SHISA6: variants seen among roughly 807,000 people sequenced by gnomAD.
SHISA6 encodes shisa family member 6, also known as protein shisa-6.
In SHISA6, 22 loss-of-function variants were observed where a neutral mutation model predicts 47.9. The observed-to-expected ratio is 0.46, with a 90% confidence interval of 0.33 to 0.66. The LOEUF is 0.66. Among genes scored for constraint, SHISA6 ranks in the 30% least tolerant of loss-of-function variants. The pLI, the probability that SHISA6 is intolerant of heterozygous loss-of-function variation, is 0.02. For synonymous variants in SHISA6, 388 were observed against 337.8 expected (o/e 1.15, Z -1.63); for missense variants, 680 against 764.6 (o/e 0.89, Z 1.30).
chr17:11,474,093 C>CT (rs1379948395), intron 3 of SHISA6, among the ~76,000 whole-genome samples: 4 of 151,952 alleles, frequency 2.6e-5, no homozygotes, highest in African/African-American at 7.3e-5. Flanking sequence ...TTATCTCATT[C>CT]TTTCTTTTTA....
intron 3 of SHISA6, among the ~76,000 whole-genome samples, chr17:11,532,508 C>T (rs536841900): frequency 2.1e-4 from 32 of 152,150 alleles, no homozygotes; most frequent in Admixed American, 1.2e-3. Flanking sequence ...CGCGCACGCG[C>T]GTATGTGTGT....
intron 2 of SHISA6, among the ~76,000 whole-genome samples, chr17:11,345,364 A>G (rs76868890): frequency 0.084 from 12,826 of 152,144 alleles, 839 homozygotes; most frequent in East Asian, 0.23. Flanking sequence ...TGTCTTTGCT[A>G]CACTATCTTA....
intron 3 of SHISA6, among the ~76,000 whole-genome samples, chr17:11,470,943 T>A (rs1020330869): frequency 6.6e-6 from 1 of 151,568 alleles, no homozygotes; most frequent in Non-Finnish European, 1.5e-5. Context: ...GGTGTGGTGG[T>A]TCACATCTGT....
At chr17:11,394,142 T>A (rs1429963545) in intron 3 of SHISA6, among the ~76,000 whole-genome samples, 2 of 152,212 alleles carry the variant, frequency 1.3e-5, no homozygotes, top group Non-Finnish European at 2.9e-5. Flanking sequence ...ACCACTGTGT[T>A]CCCTATGGCT....
At chr17:11,418,893 T>C (rs1914364888) in intron 3 of SHISA6, among the ~76,000 whole-genome samples, 1 of 152,186 alleles carries the variant, frequency 6.6e-6, no homozygotes, top group Non-Finnish European at 1.5e-5. Context: ...CTCACCAGTT[T>C]GTACTAATTG....
At chr17:11,407,850 C>T (rs554001373) in intron 3 of SHISA6, among the ~76,000 whole-genome samples, 11 of 152,256 alleles carry the variant, frequency 7.2e-5, no homozygotes, top group South Asian at 6.2e-4. Flanking sequence ...TAGAGAGCTC[C>T]CTGTGTCACA....
At chr17:11,347,337 A>C (rs1484735150) in intron 2 of SHISA6, among the ~76,000 whole-genome samples, 1 of 152,230 alleles carries the variant, frequency 6.6e-6, no homozygotes, top group East Asian at 1.9e-4. Context: ...GGGGAGTAGA[A>C]AAGACCAGGG....
At chr17:11,275,456 T>C (rs1908853872) in intron 2 of SHISA6, among the ~76,000 whole-genome samples, 1 of 152,178 alleles carries the variant, frequency 6.6e-6, no homozygotes, top group African/African-American at 2.4e-5. Flanking sequence ...CAAAAGTGAT[T>C]TTGGTCCTTT....
At chr17:11,309,121 T>G (rs929524822) in intron 2 of SHISA6, among the ~76,000 whole-genome samples, 1 of 152,028 alleles carries the variant, frequency 6.6e-6, no homozygotes, top group African/African-American at 2.4e-5. Flanking sequence ...CATGCCACCA[T>G]GCTTAGCCAA....
chr17:11,429,337 T>C (rs1023888128), intron 3 of SHISA6, among the ~76,000 whole-genome samples: 5 of 152,094 alleles, frequency 3.3e-5, no homozygotes, highest in African/African-American at 1.2e-4. Flanking sequence ...TGCCATCCCA[T>C]CACTTTTGCA....
chr17:11,261,127 A>G (rs1338857188), intron 1 of SHISA6, among the ~76,000 whole-genome samples: 3 of 148,444 alleles, frequency 2.0e-5, no homozygotes, highest in African/African-American at 4.9e-5. Context: ...GGGGTCACCA[A>G]TGGAGGGAGG....
chr17:11,506,021 T>C (rs1260269784), intron 3 of SHISA6, among the ~76,000 whole-genome samples: 2 of 152,154 alleles, frequency 1.3e-5, no homozygotes, highest in Non-Finnish European at 2.9e-5. Flanking sequence ...TAATTTGTAG[T>C]TAAGATACAG....
intron 3 of SHISA6, among the ~76,000 whole-genome samples, chr17:11,457,022 G>A (rs898615689): frequency 6.6e-6 from 1 of 152,120 alleles, no homozygotes. Context: ...CTGCTGTGCC[G>A]TATGCTCCCT....
chr17:11,296,908 G>GCCATGGAGGGGCTAAATGATTAGAGAA (rs1431265834), intron 2 of SHISA6, among the ~76,000 whole-genome samples: 1 of 152,156 alleles, frequency 6.6e-6, no homozygotes, highest in African/African-American at 2.4e-5. Context: ...CATGTGTAAA[G>GCCATGGAGGGGCTAAATGATTAGAGAA]CCATGGAGGG....
chr17:11,393,798 C>T lies in SHISA6; in HGVS notation c.895+14289C>T, dbSNP rs184583276. 1.7e-3 allele frequency among the ~76,000 whole-genome samples: 260 copies of T among 152,276 alleles called. 2 individuals are homozygous for T. The highest frequency in any genetic ancestry group is 6.8e-3 in the Middle Eastern group (2 of 294). On this transcript the variant is annotated intron_variant, in intron 3 of 5. Coordinates refer to ENST00000441885, the MANE Select transcript of SHISA6 (RefSeq NM_207386.4). ...ATCTAGCCCTTGCTTAACACCCAGG[C>T]ATCTTGCTCTGCTGCTGTCCTTCTT...
chr17:11,415,846 T>C (rs537198926), intron 3 of SHISA6, among the ~76,000 whole-genome samples: 5 of 152,316 alleles, frequency 3.3e-5, no homozygotes, highest in South Asian at 4.1e-4. Flanking sequence ...CTTAGTGAGT[T>C]TGAGCTGCTA....
chr17:11,317,764 T>C (rs1303849085), intron 2 of SHISA6, among the ~76,000 whole-genome samples: 1 of 151,936 alleles, frequency 6.6e-6, no homozygotes, highest in African/African-American at 2.4e-5. Context: ...AAAAACAGAT[T>C]GAATATTTGG....
intron 3 of SHISA6, among the ~76,000 whole-genome samples, chr17:11,392,362 G>A (rs1182035222): frequency 6.6e-6 from 1 of 152,184 alleles, no homozygotes; most frequent in Admixed American, 6.5e-5. Context: ...TTAGGAGGTG[G>A]AGCCTAGTAG....
At chr17:11,425,873 C>T (rs1914597757) in intron 3 of SHISA6, among the ~76,000 whole-genome samples, 1 of 152,106 alleles carries the variant, frequency 6.6e-6, no homozygotes, top group Non-Finnish European at 1.5e-5. Context: ...CCCTGCAGCC[C>T]CAGTGCAACA....
Sources: gnomAD v4.1 joint callset for allele counts (sites outside exome capture counted in the v4.1 genomes callset) on GRCh38, gnomAD v4.1.1 for gene constraint, MANE v1.5 for transcripts, NCBI Gene and HGNC (gene_info 2026-07-23, HGNC 2026-07-21) for gene names.